The following SPANXN4 variants were observed in gnomAD, a reference collection of about 807,000 sequenced individuals.
SPANXN4 encodes the protein SPANX family member N4.
In SPANXN4, 5 loss-of-function variants were observed where a neutral mutation model predicts 6.0. The ratio of observed to expected loss-of-function variants is 0.83; its 90% CI spans 0.44 to 1.75. SPANXN4 has a LOEUF of 1.75. SPANXN4 is among the 40% of genes most tolerant of loss of function. The pLI is 0.02. For synonymous variants in SPANXN4, 45 were observed against 38.0 expected (o/e 1.19, Z -0.68); for missense variants, 157 against 108.6 (o/e 1.45, Z -1.98).
chrX:143,033,477 C>T (rs1435572495), intron 1 of SPANXN4, among the ~76,000 whole-genome samples: 1 of 111,598 alleles, frequency 9.0e-6, no homozygotes, highest in African/African-American at 3.3e-5. Flanking sequence ...TTGCCGACAG[C>T]TGCAGAAGTG....
chrX:143,032,778 A>T (rs1406182402), intron 1 of SPANXN4, among the ~76,000 whole-genome samples: 1 of 111,531 alleles, frequency 9.0e-6, no homozygotes, highest in Admixed American at 9.5e-5. Flanking sequence ...CCCCAGAGGG[A>T]AGCAAGTACC....
intron 1 of SPANXN4, among the ~76,000 whole-genome samples, chrX:143,028,646 G>A (rs1932791381): frequency 9.0e-6 from 1 of 110,577 alleles, no homozygotes; most frequent in African/African-American, 3.3e-5. Flanking sequence ...GTGCCTTTTC[G>A]GTGGTGGTAG....
chrX:143,029,518 A>G (rs1299456696), intron 1 of SPANXN4, among the ~76,000 whole-genome samples: 1 of 111,337 alleles, frequency 9.0e-6, no homozygotes, highest in East Asian at 2.8e-4. Flanking sequence ...AAGAGCTTCC[A>G]TTAATGAACC....
intron 1 of SPANXN4, among the ~76,000 whole-genome samples, chrX:143,030,260 G>T (rs1473570400): frequency 9.0e-6 from 1 of 110,713 alleles, no homozygotes; most frequent in African/African-American, 3.3e-5. Flanking sequence ...CATTTTGTTG[G>T]GTTGGGATGG....
chrX:143,034,517 G>C lies in SPANXN4; in HGVS notation c.292G>C (p.Glu98Gln), dbSNP rs976667682. 3.1e-5 allele frequency: 35 copies of C among 1,142,736 alleles called. No individual in the cohort carries two copies. In the Admixed American group the frequency reaches 1.0e-3, roughly 33 times the overall value. The allele number at this position is 1,142,736 out of a possible 1,213,427, so 94.2% of individuals were successfully genotyped here. Residue 98 changes from glutamate to glutamine, a missense_variant, in exon 3 of 3, where the codon GAA (glutamate) becomes CAA (glutamine). Transcript: ENST00000370504. ...AAAATTTTATCTCACAGGAGAGGAA[G>C]AAAAGGATTTGGTGTTCCTTGGAGC... is the stretch of plus-strand genomic sequence containing the variant.
At chrX:143,028,947 G>A (rs773471067) in intron 1 of SPANXN4, among the ~76,000 whole-genome samples, 28 of 112,049 alleles carry the variant, frequency 2.5e-4, no homozygotes, top group African/African-American at 5.2e-4. Flanking sequence ...GGTTGCGCAC[G>A]TATAAAAGTA....
At chrX:143,030,610 T>C (rs1217980824) in intron 1 of SPANXN4, among the ~76,000 whole-genome samples, 1 of 109,016 alleles carries the variant, frequency 9.2e-6, no homozygotes, top group East Asian at 2.9e-4. Flanking sequence ...AAAAAAAAAC[T>C]TTGGGAAGCC....
chrX:143,034,809 G>C (rs1312990032), downstream of SPANXN4: 3 of 979,299 alleles, frequency 3.1e-6, no homozygotes, highest in African/African-American at 5.9e-5. Flanking sequence ...CGCTTGTTAA[G>C]AAACTCTAGG....
At chrX:143,036,334 A>G (rs1932843710), downstream of SPANXN4, among the ~76,000 whole-genome samples, 1 of 110,850 alleles carries the variant, frequency 9.0e-6, no homozygotes, top group Admixed American at 9.7e-5. Flanking sequence ...CTCACACCGA[A>G]TCTCACAGAT....
intron 1 of SPANXN4, 43 bp from the exon 2 acceptor site, chrX:143,033,982 T>C (rs779097085): frequency 1.4e-5 from 15 of 1,108,925 alleles, no homozygotes; most frequent in South Asian, 4.3e-5. Flanking sequence ...ACCCTCTTCA[T>C]CCAAAATAAC....
chrX:143,034,466 G>T, intron 2 of SPANXN4, 155 bp downstream of exon 2: 1 of 1,117,447 alleles, frequency 8.9e-7, no homozygotes, highest in Non-Finnish European at 1.2e-6. Context: ...GGGGAGGACT[G>T]ATTCCTGGAG....
chrX:143,035,611 C>T (rs1050891147), downstream of SPANXN4, among the ~76,000 whole-genome samples: 1 of 110,414 alleles, frequency 9.1e-6, no homozygotes, highest in African/African-American at 3.3e-5. Flanking sequence ...TTTATTTCCA[C>T]ATGTTCAATG....
downstream of SPANXN4, among the ~76,000 whole-genome samples, chrX:143,036,315 T>C (rs1036331639): frequency 2.0e-4 from 22 of 110,934 alleles, no homozygotes; most frequent in Non-Finnish European, 3.8e-4. Context: ...CAGAAAAATC[T>C]CACAGATCCT....
At chrX:143,028,180 G>T (rs1602655972) in intron 1 of SPANXN4, among the ~76,000 whole-genome samples, 1 of 111,039 alleles carries the variant, frequency 9.0e-6, no homozygotes, top group East Asian at 2.9e-4. Flanking sequence ...AGTGTGGGAA[G>T]GATGTTAGCT....
chrX:143,037,057 C>T (rs984753606), downstream of SPANXN4, among the ~76,000 whole-genome samples: 3 of 111,295 alleles, frequency 2.7e-5, no homozygotes, highest in Admixed American at 2.9e-4. Context: ...ATTTGAGTAC[C>T]GAATAAACAT....
intron 1 of SPANXN4, among the ~76,000 whole-genome samples, chrX:143,027,854 A>T (rs1465292346): frequency 9.0e-6 from 1 of 110,790 alleles, no homozygotes; most frequent in Non-Finnish European, 1.9e-5. Flanking sequence ...AAAAGGAGAA[A>T]AAGGAGATTT....
chrX:143,034,455 G>A (rs1005163959), intron 2 of SPANXN4, 144 bp downstream of exon 2: 67 of 1,109,678 alleles, frequency 6.0e-5, no homozygotes, highest in Non-Finnish European at 7.3e-5. Flanking sequence ...AATAAAGACT[G>A]GGGGAGGACT....
chrX:143,037,723 T>A (rs1281313400), downstream of SPANXN4, among the ~76,000 whole-genome samples: 1 of 111,594 alleles, frequency 9.0e-6, no homozygotes, highest in Non-Finnish European at 1.9e-5. Flanking sequence ...GGTAATTGGA[T>A]CATGGGGGCA....
At chrX:143,038,601 T>TA (rs1319907876), downstream of SPANXN4, among the ~76,000 whole-genome samples, 1 of 112,234 alleles carries the variant, frequency 8.9e-6, no homozygotes, top group African/African-American at 3.2e-5. Flanking sequence ...CAGTATATTG[T>TA]AAACTCCATG....
Sources: gnomAD v4.1 joint callset for allele counts (sites outside exome capture counted in the v4.1 genomes callset) on GRCh38, gnomAD v4.1.1 for gene constraint, MANE v1.5 for transcripts, NCBI Gene and HGNC (gene_info 2026-07-23, HGNC 2026-07-21) for gene names.